The following NLK variants were observed in gnomAD, a reference collection of about 807,000 sequenced individuals.
The protein encoded by NLK is serine/threonine-protein kinase NLK.
In NLK, 11 loss-of-function variants were observed where a neutral mutation model predicts 59.0. The observed-to-expected ratio is 0.19, with a 90% CI of 0.12 to 0.31. NLK has a LOEUF of 0.31. Among genes scored for constraint, NLK ranks in the 10% least tolerant of loss-of-function variants. The pLI is 1.00. For missense variants in NLK, 410 were observed against 661.1 expected, an observed-to-expected ratio of 0.62 and a Z score of 4.16; for synonymous variants, 235 against 235.9, an observed-to-expected ratio of 1.00 and a Z score of 0.03.
intron 7 of NLK, among the ~76,000 whole-genome samples, chr17:28,174,824 C>T (rs546551393): frequency 3.3e-5 from 5 of 152,172 alleles, no homozygotes; most frequent in East Asian, 3.9e-4. Flanking sequence ...CTTTTCACTT[C>T]CCACTCCCTG....
intron 1 of NLK, among the ~76,000 whole-genome samples, chr17:28,107,118 G>A (rs1039027210): frequency 2.0e-5 from 3 of 152,230 alleles, no homozygotes. Flanking sequence ...ATATTTTTCA[G>A]TACGTAATAT....
chr17:28,090,669 TGGGAGCTTGTTAAAAACATAGC>T (rs1168993100), intron 1 of NLK, among the ~76,000 whole-genome samples: 1 of 152,016 alleles, frequency 6.6e-6, no homozygotes, highest in African/African-American at 2.4e-5. Context: ...GATCTCCTGG[TGGGAGCTTGTTAAAAACATAGC>T]GGGAGCTTGT....
chr17:28,139,566 C>G (rs1443662394), intron 3 of NLK, among the ~76,000 whole-genome samples: 1 of 152,184 alleles, frequency 6.6e-6, no homozygotes, highest in Non-Finnish European at 1.5e-5. Context: ...ACCTTTAGCA[C>G]TACTATGTAT....
At chr17:28,067,146 G>C (rs187988570) in intron 1 of NLK, among the ~76,000 whole-genome samples, 2 of 152,124 alleles carry the variant, frequency 1.3e-5, no homozygotes, top group East Asian at 3.9e-4. Context: ...ATAACTTTTG[G>C]TGTTAAATCT....
chr17:28,110,054 T>C (rs965587558), intron 1 of NLK, among the ~76,000 whole-genome samples: 1 of 152,244 alleles, frequency 6.6e-6, no homozygotes, highest in Non-Finnish European at 1.5e-5. Flanking sequence ...ATATGAAGTG[T>C]TCCCTTATTT....
chr17:28,183,583 C>G (rs1908998500), intron 7 of NLK, among the ~76,000 whole-genome samples: 2 of 152,162 alleles, frequency 1.3e-5, no homozygotes, highest in African/African-American at 2.4e-5. Context: ...TCTGCCTCGG[C>G]CTCCCAAAGT....
intron 1 of NLK, among the ~76,000 whole-genome samples, chr17:28,049,225 T>C (rs996690880): frequency 1.3e-5 from 2 of 152,224 alleles, no homozygotes; most frequent in Admixed American, 1.3e-4. Context: ...TCTACTGAGA[T>C]TGAACTTTAA....
At chr17:28,096,164 ATTAT>A (rs1372442152) in intron 1 of NLK, among the ~76,000 whole-genome samples, 2 of 152,196 alleles carry the variant, frequency 1.3e-5, no homozygotes, top group East Asian at 1.9e-4. Context: ...AATAATAGTA[ATTAT>A]TTAACTGATT....
intron 1 of NLK, among the ~76,000 whole-genome samples, chr17:28,104,087 T>G (rs543046385): frequency 1.3e-5 from 2 of 152,284 alleles, no homozygotes; most frequent in East Asian, 1.9e-4. Context: ...GGTCTTGGAG[T>G]AGAAGTATGT....
chr17:28,051,144 G>C (rs1909239345), intron 1 of NLK, among the ~76,000 whole-genome samples: 1 of 151,606 alleles, frequency 6.6e-6, no homozygotes, highest in African/African-American at 2.4e-5. Flanking sequence ...ATTGTATTTA[G>C]CCTGATAGTA....
chr17:28,119,263 G>A (rs571025618), intron 1 of NLK, among the ~76,000 whole-genome samples: 237 of 152,316 alleles, frequency 1.6e-3, no homozygotes, highest in Non-Finnish European at 2.7e-3. Flanking sequence ...ACTCAACATG[G>A]CGTGAAATTA....
At chr17:28,131,776 C>T (rs1476784188) in intron 2 of NLK, among the ~76,000 whole-genome samples, 1 of 152,024 alleles carries the variant, frequency 6.6e-6, no homozygotes, top group African/African-American at 2.4e-5. Context: ...TACACGGGTA[C>T]TATGCTGCTT....
the NLK span, among the ~76,000 whole-genome samples, chr17:28,203,682 G>A: frequency 9.0e-4 from 137 of 152,176 alleles, 1 homozygote; most frequent in Non-Finnish European, 1.4e-3. Flanking sequence ...GACTACAGGC[G>A]CCTGCCACCA....
intron 1 of NLK, among the ~76,000 whole-genome samples, chr17:28,057,058 G>A (rs962916029): frequency 4.0e-5 from 6 of 149,932 alleles, no homozygotes; most frequent in Admixed American, 1.3e-4. Flanking sequence ...GGGTTCAAGC[G>A]ATTCTCCTGC....
intron 1 of NLK, among the ~76,000 whole-genome samples, chr17:28,066,284 T>C (rs1000359240): frequency 3.9e-5 from 6 of 152,182 alleles, no homozygotes; most frequent in African/African-American, 1.4e-4. Context: ...TCCATCACTG[T>C]CTCTGCCTCT....
At chr17:28,124,771 C>T (rs748530583) in intron 2 of NLK, among the ~76,000 whole-genome samples, 93 of 152,086 alleles carry the variant, frequency 6.1e-4, no homozygotes, top group Non-Finnish European at 1.2e-3. Flanking sequence ...TACTCGGGGC[C>T]GGGCGCAGTA....
At chr17:28,049,985 A>T (rs975713603) in intron 1 of NLK, among the ~76,000 whole-genome samples, 3 of 152,152 alleles carry the variant, frequency 2.0e-5, no homozygotes, top group Non-Finnish European at 2.9e-5. Context: ...TGTCTCAAAA[A>T]ATATATATAT....
intron 2 of NLK, among the ~76,000 whole-genome samples, chr17:28,131,479 A>G (rs938992360): frequency 1.3e-5 from 2 of 150,940 alleles, no homozygotes; most frequent in African/African-American, 4.9e-5. Flanking sequence ...AAGGGTAGAG[A>G]TGAAATAAGA....
At chr17:28,091,508 A>C (rs1053909025) in intron 1 of NLK, among the ~76,000 whole-genome samples, 4 of 151,416 alleles carry the variant, frequency 2.6e-5, no homozygotes, top group Non-Finnish European at 5.9e-5. Context: ...CACATATATA[A>C]AATCATTGAT....
Sources: gnomAD v4.1 joint callset for allele counts (sites outside exome capture counted in the v4.1 genomes callset) on GRCh38, gnomAD v4.1.1 for gene constraint, MANE v1.5 for transcripts, NCBI Gene and HGNC (gene_info 2026-07-23, HGNC 2026-07-21) for gene names.